Variants in USP15 observed in about 807,000 individuals in gnomAD.
USP15 encodes ubiquitin carboxyl-terminal hydrolase 15.
In USP15, 18 loss-of-function variants were observed where a neutral mutation model predicts 127.1. That is an observed-to-expected ratio of 0.14 (90% confidence interval 0.10 to 0.21). The LOEUF (loss-of-function observed/expected upper bound fraction) is 0.21. Ranked by LOEUF, USP15 falls within the 10% of genes least tolerant of loss-of-function variation. The pLI is 1.00. For synonymous variants in USP15, 364 were observed against 393.7 expected (o/e 0.92, Z 0.89); for missense variants, 805 against 1,159.9 (o/e 0.69, Z 4.44).
Position 62,355,438 on chromosome 12 carries a change from A to T in USP15, c.878A>T (p.Asn293Ile). Residue 293 changes from asparagine to isoleucine, a missense_variant, in exon 8 of 22, where the codon AAC becomes ATC. Around this residue, in one of 11 missense-constraint regions of USP15, gnomAD observed 84 missense variants for 107.7 expected, o/e 0.78. Transcript: ENST00000280377. ...NEQPGLCGLSNLGNTCFMNSA... is the reference protein window; with the variant it reads ...NEQPGLCGLSILGNTCFMNSA... ...CAGCCAGGCCTCTGTGGCCTAAGTA[A>T]CTTGGGAAATACGTGTTTCATGAAC... The T allele has an allele frequency of 6.2e-7, 1 of 1,607,938 alleles. No individual in the cohort carries two copies. The highest frequency in any genetic ancestry group is 1.7e-5 in the Admixed American group (1 of 59,108).
In USP15 at chr12:62,391,794, A is replaced by G. The variant is rs186837495; in HGVS notation, c.2234-22A>G. ...ACTAAGACATATTAAATTTTAAAGA[A>G]AAAATATGTTTTCCACCTTAGAAAG... On this transcript the variant is annotated intron_variant, in intron 16 of 21. Coordinates refer to ENST00000280377, the MANE Select transcript of USP15 (RefSeq NM_001252078.2). 2.1e-4 allele frequency: 328 copies of G among 1,565,790 alleles called. No individual in the cohort carries two copies. The African/African-American group carries it at 4.0e-3, about 19-fold the overall frequency.
intron 21 of USP15, among the ~76,000 whole-genome samples, chr12:62,402,565 C>G (rs994215298): frequency 6.6e-6 from 1 of 151,860 alleles, no homozygotes; most frequent in Non-Finnish European, 1.5e-5. Context: ...GCAAAGAAAA[C>G]GGTATCTACA....
Position 62,280,708 on chromosome 12 carries a change from T to A in USP15, c.90-13471T>A, listed in dbSNP as rs944111938. Reference sequence around the variant, plus strand: ...CACGCATTCAGACCATAGCTCTACATGTTGAAAAGAATAAGGGAATTTTCT... The same window carrying A: ...CACGCATTCAGACCATAGCTCTACAAGTTGAAAAGAATAAGGGAATTTTCT... On this transcript the variant is annotated intron_variant, in intron 1 of 21. Coordinates refer to ENST00000280377, the MANE Select transcript of USP15 (RefSeq NM_001252078.2). Among the ~76,000 whole-genome samples, 13 of 152,156 alleles carry A rather than the reference T, an allele frequency of 8.5e-5. No individual in the cohort carries two copies. The East Asian group carries it at 1.4e-3, about 16-fold the overall frequency.
chr12:62,303,201 A>AT, intron 3 of USP15: 1 of 207,410 alleles, frequency 4.8e-6, no homozygotes, highest in African/African-American at 2.3e-5. Flanking sequence ...GGATCTAGTT[A>AT]TTTTAGAAAG....
intron 8 of USP15, among the ~76,000 whole-genome samples, chr12:62,371,821 G>A (rs1315279381): frequency 1.3e-5 from 2 of 152,042 alleles, no homozygotes; most frequent in East Asian, 3.9e-4. Context: ...TTGAAAACTG[G>A]GAATAGCATC....
At chr12:62,279,942 C>T (rs2063602494) in intron 1 of USP15, among the ~76,000 whole-genome samples, 1 of 152,124 alleles carries the variant, frequency 6.6e-6, no homozygotes, top group Admixed American at 6.5e-5. Context: ...GGTCTTTTTA[C>T]TTCTCTCTAT....
At chr12:62,343,434 G>A (rs1234746050) in intron 6 of USP15, among the ~76,000 whole-genome samples, 1 of 152,168 alleles carries the variant, frequency 6.6e-6, no homozygotes, top group Non-Finnish European at 1.5e-5. Context: ...CTGTCTCGCT[G>A]GCATTCCAGG....
chr12:62,349,923 TG>T (rs1324031395), intron 7 of USP15, among the ~76,000 whole-genome samples: 3 of 152,006 alleles, frequency 2.0e-5, no homozygotes, highest in Admixed American at 6.6e-5. Flanking sequence ...AACATTGACA[TG>T]TTTTTTTAAT....
At chr12:62,352,721 G>A (rs1165015328) in intron 7 of USP15, among the ~76,000 whole-genome samples, 2 of 151,812 alleles carry the variant, frequency 1.3e-5, no homozygotes, top group African/African-American at 4.8e-5. Context: ...ACTGAAAAAT[G>A]GGCATAATTA....
chr12:62,395,552 T>C (rs1455917384), intron 19 of USP15, among the ~76,000 whole-genome samples: 2 of 151,968 alleles, frequency 1.3e-5, no homozygotes, highest in Non-Finnish European at 2.9e-5. Context: ...TATTATTGAC[T>C]ATAGTCACCC....
chr12:62,312,364 G>A (rs1268979209), intron 3 of USP15: 2 of 220,120 alleles, frequency 9.1e-6, no homozygotes, highest in South Asian at 4.3e-5. Context: ...ACTATATTAG[G>A]TTTATTTAAT....
Position 62,409,028 on chromosome 12 carries a change from T to C in USP15, c.*4653T>C, listed in dbSNP as rs1490399139. On this transcript the variant is annotated 3_prime_UTR_variant, in exon 22 of 22. Coordinates refer to ENST00000280377, the MANE Select transcript of USP15 (RefSeq NM_001252078.2). ...ATATCAGAATTAGGAAAATAAAATA[T>C]AGATGGTAAAAATTCAAATATTTAT... The C allele has an allele frequency of 1.3e-5, 2 of 152,106 alleles. No homozygotes were observed. Among genetic ancestry groups the C allele is most frequent in the Non-Finnish European group, 2.9e-5 (2 of 68,006 alleles). The allele number at this position is 152,106 out of a possible 1,614,324, so 9.4% of individuals were successfully genotyped here.
chr12:62,353,939 T>C (rs920883802), intron 7 of USP15, among the ~76,000 whole-genome samples: 9 of 152,090 alleles, frequency 5.9e-5, no homozygotes, highest in African/African-American at 2.2e-4. Context: ...TGATTAATGT[T>C]ACATTTCTTT....
At chr12:62,337,382 A>G (rs931589125) in intron 6 of USP15, among the ~76,000 whole-genome samples, 2 of 152,138 alleles carry the variant, frequency 1.3e-5, no homozygotes, top group African/African-American at 2.4e-5. Flanking sequence ...CCTCACAATC[A>G]TGGTGGAAGG....
At chr12:62,400,706 A>C (rs141264099) in intron 20 of USP15, among the ~76,000 whole-genome samples, 18 of 152,086 alleles carry the variant, frequency 1.2e-4, no homozygotes. Context: ...ATTTCAAACT[A>C]TGAAGTCAGA....
At chr12:62,330,733 C>A (rs2065267261) in intron 6 of USP15, among the ~76,000 whole-genome samples, 1 of 143,184 alleles carries the variant, frequency 7.0e-6, no homozygotes, top group Non-Finnish European at 1.5e-5. Context: ...CGACTCTGTG[C>A]AACATAACAA....
intron 3 of USP15, among the ~76,000 whole-genome samples, chr12:62,306,886 A>G (rs1486646292): frequency 1.3e-5 from 2 of 152,158 alleles, no homozygotes; most frequent in East Asian, 3.8e-4. Context: ...TATTCAGACA[A>G]AAGGCCCTAT....
intron 1 of USP15, among the ~76,000 whole-genome samples, chr12:62,268,543 T>A (rs2063255519): frequency 6.6e-6 from 1 of 152,104 alleles, no homozygotes; most frequent in Non-Finnish European, 1.5e-5. Context: ...AGATAGTGTC[T>A]CCCATTTCCT....
chr12:62,283,434 C>T (rs578004162), intron 1 of USP15, among the ~76,000 whole-genome samples: 1 of 152,064 alleles, frequency 6.6e-6, no homozygotes, highest in East Asian at 1.9e-4. Flanking sequence ...AAAAAAAAGA[C>T]AAAAATGTTT....
Sources: allele counts gnomAD v4.1 joint callset (sites outside exome capture counted in the v4.1 genomes callset), GRCh38; gene constraint gnomAD v4.1.1; regional missense constraint gnomAD v4.1.1; transcripts MANE v1.5; gene names NCBI Gene and HGNC (gene_info 2026-07-23, HGNC 2026-07-21).